The following UPF1 variants were observed in gnomAD, a reference collection of about 807,000 sequenced individuals.
UPF1 encodes UPF1 RNA helicase and ATPase.
UPF1 carries 9 observed loss-of-function variants against 129.2 expected under a neutral mutation model. The ratio of observed to expected loss-of-function variants is 0.07; its 90% CI spans 0.04 to 0.12. UPF1 has a LOEUF of 0.12. UPF1 is among the 10% of genes least tolerant of loss of function. The probability of loss-of-function intolerance (pLI) is 1.00; values close to 1 mark genes in which losing one functional copy is unlikely to be tolerated. For missense variants in UPF1, 788 were observed against 1,525.3 expected (o/e 0.52, Z 8.05); for synonymous variants, 649 against 644.9 (o/e 1.01, Z -0.10).
At chr19:18,855,073 A>C (rs751051013) in intron 10 of UPF1, 35 bp downstream of exon 10, 2 of 1,612,952 alleles carry the variant, frequency 1.2e-6, no homozygotes, top group Non-Finnish European at 1.7e-6. Context: ...GGCCTCGCCC[A>C]TGGGCCGGGA....
Position 18,860,999 on chromosome 19 carries a change from G to C in UPF1, c.2457+17G>C. On this transcript the variant is annotated intron_variant, in intron 17 of 23. Transcript: ENST00000262803. ...CTCTACCAGGTGCGCTGCGCCCTCG[G>C]GCACACTTGGTCTCCTGGGCCATGC... 1 of 1,559,432 alleles carries C rather than the reference G, an allele frequency of 6.4e-7. No individual in the cohort carries two copies. Among genetic ancestry groups the C allele is most frequent in the East Asian group, 2.4e-5 (1 of 42,230 alleles).
intron 17 of UPF1, among the ~76,000 whole-genome samples, chr19:18,861,376 G>T (rs1334073863): frequency 1.3e-5 from 2 of 152,228 alleles, no homozygotes; most frequent in African/African-American, 4.8e-5. Context: ...CCCACTGCGG[G>T]TGTGTGGGGA....
At chr19:18,866,199 C>T (rs939485378) in intron 23 of UPF1, 33 bp downstream of exon 23, 1 of 1,537,068 alleles carries the variant, frequency 6.5e-7, no homozygotes, top group East Asian at 2.4e-5. Flanking sequence ...TGGCCCCACC[C>T]CAGCCTCAAG....
chr19:18,832,082 G>C lies in UPF1; in HGVS notation c.-128G>C, dbSNP rs1418630251. On this transcript the variant is annotated 5_prime_UTR_variant, in exon 1 of 24. Coordinates refer to ENST00000262803, the MANE Select transcript of UPF1 (RefSeq NM_002911.4). This position sits in a 1 kb window ranked among gnomAD's most constrained non-coding sequence, Gnocchi z 5.6. Reference sequence around the variant, plus strand: ...CGGTCCGGCTGGCGCCGGGGCGCGCGGTTTGGTCCTTTCCGGGCGCGCGGG... The same window carrying C: ...CGGTCCGGCTGGCGCCGGGGCGCGCCGTTTGGTCCTTTCCGGGCGCGCGGG... The C allele has an allele frequency of 3.4e-6, 3 of 885,596 alleles. No homozygotes were observed. Among genetic ancestry groups the C allele is most frequent in the African/African-American group, 1.8e-5 (1 of 55,376 alleles). The allele number at this position is 885,596 out of a possible 1,614,324, so 54.9% of individuals were successfully genotyped here.
chr19:18,845,845 C>A (rs189029306), intron 1 of UPF1, 135 bp from the exon 2 acceptor site: 4 of 1,333,874 alleles, frequency 3.0e-6, no homozygotes, highest in Non-Finnish European at 3.0e-6. Context: ...AGAGTGAAAT[C>A]CAGTCAGAAC....
chr19:18,854,061 G>A (rs2055689307), intron 8 of UPF1, among the ~76,000 whole-genome samples: 1 of 152,214 alleles, frequency 6.6e-6, no homozygotes, highest in Admixed American at 6.5e-5. Context: ...GGGGTCGAGG[G>A]AAGGGTGTTG....
intron 15 of UPF1, chr19:18,859,661 T>C (rs962760991): frequency 6.6e-6 from 1 of 152,322 alleles, no homozygotes; most frequent in Non-Finnish European, 1.5e-5. Context: ...ACACCGGTTT[T>C]CTCCACTGAT....
chr19:18,853,275 G>A lies in UPF1; in HGVS notation c.1081G>A (p.Glu361Lys). 1 of 1,613,074 alleles carries A rather than the reference G, an allele frequency of 6.2e-7. No homozygotes were observed. Among genetic ancestry groups the A allele is most frequent in the Non-Finnish European group, 8.5e-7 (1 of 1,179,384 alleles). The change falls in exon 8 of 24, where the codon GAG becomes AAG. Residue 361 changes from glutamate to lysine, a missense_variant. This residue lies in a region of UPF1 where 227 missense variants were observed against 517.9 expected (regional missense o/e 0.44). Coordinates refer to ENST00000262803, the MANE Select transcript of UPF1 (RefSeq NM_002911.4). This position sits in a 1 kb window ranked among gnomAD's most constrained non-coding sequence, Gnocchi z 4.4. ...AGACATGCGGCTCATGCAGGGGGATGAGATATGCCTGCGGTACAAAGGGGA... is the reference window on the plus strand; with the variant it reads ...AGACATGCGGCTCATGCAGGGGGATAAGATATGCCTGCGGTACAAAGGGGA... ...DSDMRLMQGD[E>K]ICLRYKGDLA... is the part of the protein sequence containing the mutation.
At chr19:18,855,350 G>C in intron 11 of UPF1, 108 bp downstream of exon 11, 1 of 1,225,536 alleles carries the variant, frequency 8.2e-7, no homozygotes. Context: ...AAGAGAGCAC[G>C]TGGCGGGTAG....
At chr19:18,848,493 A>G (rs1385454211) in intron 3 of UPF1, 1 of 152,260 alleles carries the variant, frequency 6.6e-6, no homozygotes, top group African/African-American at 2.4e-5. Context: ...AGGTCACTCC[A>G]CTGCTGGAGA....
In UPF1 at chr19:18,832,103, G is replaced by A. The variant is rs2055431401; in HGVS notation, c.-107G>A. The A allele has an allele frequency of 8.1e-6, 9 of 1,108,204 alleles. No individual in the cohort carries two copies. The South Asian group carries it at 1.1e-4, about 13-fold the overall frequency. 68.6% of individuals were successfully genotyped at this position (1,108,204 alleles called of 1,614,324 possible). On this transcript the variant is annotated 5_prime_UTR_variant, in exon 1 of 24. Transcript: ENST00000262803. This position sits in a 1 kb window ranked among gnomAD's most constrained non-coding sequence, Gnocchi z 5.6. Reference sequence around the variant, plus strand: ...GCGCGGTTTGGTCCTTTCCGGGCGCGCGGGGGCGACAGCGGCAGCGACCCG... The same window carrying A: ...GCGCGGTTTGGTCCTTTCCGGGCGCACGGGGGCGACAGCGGCAGCGACCCG...
chr19:18,865,758 T>G lies in UPF1; in HGVS notation c.3217T>G (p.Ser1073Ala). Residue 1073 changes from serine to alanine, a missense_variant, in exon 22 of 24, where the codon TCC becomes GCC. Coordinates refer to ENST00000262803, the MANE Select transcript of UPF1 (RefSeq NM_002911.4). The surrounding 1 kb of genome is among the most constrained non-coding windows in gnomAD (Gnocchi z 6.1). ...QPSQMSQPGL[S>A]QPELSQDSYL... The stretch of plus-strand genomic sequence containing the variant: ...TTCCCAGATGAGCCAGCCCGGCCTC[T>G]CCCAGCCGGAGCTGTCCCAGGTGAG... 6.2e-7 allele frequency: 1 copy of G among 1,612,988 alleles called. No individual in the cohort carries two copies.
chr19:18,840,390 C>G (rs527630820), intron 1 of UPF1, among the ~76,000 whole-genome samples: 4 of 152,164 alleles, frequency 2.6e-5, no homozygotes, highest in African/African-American at 9.7e-5. Flanking sequence ...CAGGCTGAGC[C>G]GGGGCTCTCT....
In UPF1 at chr19:18,865,241, G is replaced by A; in HGVS notation, c.2858-48G>A. 1.3e-6 allele frequency: 2 copies of A among 1,553,518 alleles called. No individual in the cohort carries two copies. The highest frequency in any genetic ancestry group is 8.8e-7 in the Non-Finnish European group (1 of 1,142,856). ...GTGGGGTGGGTGGGGTATCGCTGGG[G>A]TTTGACCGAGGCAGGTGACACCTGC... is the stretch of plus-strand genomic sequence containing the variant. On this transcript the variant is annotated intron_variant, in intron 20 of 23. Coordinates refer to ENST00000262803, the MANE Select transcript of UPF1 (RefSeq NM_002911.4). This position sits in a 1 kb window ranked among gnomAD's most constrained non-coding sequence, Gnocchi z 6.1.
intron 1 of UPF1, among the ~76,000 whole-genome samples, chr19:18,845,344 C>T (rs1443282007): frequency 6.6e-6 from 1 of 152,228 alleles, no homozygotes; most frequent in Non-Finnish European, 1.5e-5. Flanking sequence ...GTGTGGTCTC[C>T]TTGCAAGTGT....
chr19:18,864,940 T>C (rs187355815), intron 20 of UPF1, among the ~76,000 whole-genome samples: 104 of 152,278 alleles, frequency 6.8e-4, no homozygotes, highest in Non-Finnish European at 1.2e-3. Flanking sequence ...GGTTTCGCCA[T>C]GTTGGCCTGG....
In UPF1 at chr19:18,855,158, T is replaced by G; in HGVS notation, c.1460T>G (p.Leu487Arg). 1 of 1,613,892 alleles carries G rather than the reference T, an allele frequency of 6.2e-7. No individual in the cohort carries two copies. Among genetic ancestry groups the G allele is most frequent in the Non-Finnish European group, 8.5e-7 (1 of 1,179,970 alleles). Residue 487 changes from leucine (L) to arginine (R), a missense_variant, in exon 11 of 24, where the codon CTG becomes CGG. Coordinates refer to ENST00000262803, the MANE Select transcript of UPF1 (RefSeq NM_002911.4). ...YAVKTVLQRP[L>R]SLIQGPPGTG... Reference sequence around the variant, plus strand: ...GTGAAGACTGTGCTGCAAAGACCACTGAGCCTGATCCAGGGCCCGCCAGGC... The same window carrying G: ...GTGAAGACTGTGCTGCAAAGACCACGGAGCCTGATCCAGGGCCCGCCAGGC...
At position 18,846,080 on chromosome 19, in the gene UPF1, A is replaced by G; in HGVS notation, c.332A>G (p.Asp111Gly). ...AELNFEEDEEDTYYTKDLPIH... is the reference protein window; with the variant it reads ...AELNFEEDEEGTYYTKDLPIH... ...TTGAACTTCGAGGAAGATGAAGAAGACACCTATTACACGAAGGACCTCCCC... is the reference window on the plus strand; with the variant it reads ...TTGAACTTCGAGGAAGATGAAGAAGGCACCTATTACACGAAGGACCTCCCC... The change falls in exon 2 of 24, where the codon GAC becomes GGC. Residue 111 changes from aspartate (D) to glycine (G), a missense_variant. Asp to Gly is a moderately conservative substitution (Grantham distance 94, BLOSUM62 -1). Transcript: ENST00000262803. The G allele has an allele frequency of 6.2e-7, 1 of 1,614,120 alleles. No individual in the cohort carries two copies. Among genetic ancestry groups the G allele is most frequent in the Non-Finnish European group, 8.5e-7 (1 of 1,180,018 alleles).
At chr19:18,862,407 G>A (rs992489612) in intron 18 of UPF1, among the ~76,000 whole-genome samples, 1 of 152,120 alleles carries the variant, frequency 6.6e-6, no homozygotes, top group Non-Finnish European at 1.5e-5. Flanking sequence ...GTGTGTGTCT[G>A]TCAAGTTGTT....
Sources: gnomAD v4.1 joint callset for allele counts (sites outside exome capture counted in the v4.1 genomes callset) on GRCh38, gnomAD v4.1.1 for gene constraint, gnomAD v4.1.1 regional missense constraint, Gnocchi (gnomAD v3.1) non-coding constraint, MANE v1.5 for transcripts, NCBI Gene and HGNC (gene_info 2026-07-23, HGNC 2026-07-21) for gene names.